The following NAALADL2 variants were observed in gnomAD, a reference collection of about 807,000 sequenced individuals.
The protein encoded by NAALADL2 is inactive N-acetylated-alpha-linked acidic dipeptidase-like protein 2.
NAALADL2 carries 76 observed loss-of-function variants against 87.2 expected under a neutral mutation model. The ratio of observed to expected loss-of-function variants is 0.87; its 90% CI spans 0.72 to 1.05. The LOEUF (loss-of-function observed/expected upper bound fraction) is 1.05, where lower values mean the gene tolerates loss of function less well. Ranked by LOEUF, NAALADL2 falls within the 50% of genes least tolerant of loss-of-function variation. The pLI is 0.00. For missense variants in NAALADL2, 1,089 were observed against 945.8 expected (o/e 1.15, Z -1.99); for synonymous variants, 354 against 331.0 (o/e 1.07, Z -0.75).
At chr3:174,615,529 G>A (rs961237344) in intron 2 of NAALADL2, among the ~76,000 whole-genome samples, 3 of 152,156 alleles carry the variant, frequency 2.0e-5, no homozygotes, top group Non-Finnish European at 1.5e-5. Context: ...GGTGTATTAA[G>A]GAAGATTTTT....
rs559881885 is a variant in NAALADL2 at position 174,609,157 on chromosome 3, T to C, written c.-115+58520T>C. Among the ~76,000 whole-genome samples, 16 of 152,276 alleles carry C rather than the reference T, an allele frequency of 1.1e-4. No individual in the cohort carries two copies. In the South Asian group the frequency reaches 2.3e-3, roughly 22 times the overall value. On this transcript the variant is annotated intron_variant, in intron 2 of 3. Coordinates refer to the NAALADL2 transcript ENST00000434257. ...CTCAATAAATTAGGTATTGATGGGATGTATGTCAAAATAATAAGAGCTATC... is the reference window on the plus strand; with the variant it reads ...CTCAATAAATTAGGTATTGATGGGACGTATGTCAAAATAATAAGAGCTATC...
Position 175,096,777 on chromosome 3 carries a change from C to T in NAALADL2, c.44-13C>T. 12 of 1,414,642 alleles carry T rather than the reference C, an allele frequency of 8.5e-6. No individual in the cohort carries two copies. Among genetic ancestry groups the T allele is most frequent in the South Asian group, 3.3e-5 (2 of 60,864 alleles). The allele number at this position is 1,414,642 out of a possible 1,614,324, so 87.6% of individuals were successfully genotyped here. A position where few individuals can be genotyped will look rare whatever the true frequency, so the allele number is the denominator to read the frequency against. On this transcript the variant is annotated splice_polypyrimidine_tract_variant and intron_variant, in intron 1 of 13. Coordinates refer to ENST00000454872, the MANE Select transcript of NAALADL2 (RefSeq NM_207015.3). ...GTTTATTTTATTAAAATATATTTTT[C>T]TTATTTTCACAGGTAAAAAGATGGC...
intron 1 of NAALADL2, among the ~76,000 whole-genome samples, chr3:174,912,695 G>T (rs1295764718): frequency 1.3e-5 from 2 of 152,058 alleles, no homozygotes; most frequent in Non-Finnish European, 2.9e-5. Context: ...TTTCTAGATA[G>T]AATAAAATAA....
chr3:175,558,210 A>G (rs1168113579), intron 9 of NAALADL2, among the ~76,000 whole-genome samples: 46 of 137,656 alleles, frequency 3.3e-4, no homozygotes, highest in African/African-American at 9.7e-4. Context: ...AAAAAAAAAA[A>G]AAAAAAAGAA....
intron 13 of NAALADL2, among the ~76,000 whole-genome samples, chr3:175,802,329 G>T (rs1019037052): frequency 9.6e-5 from 10 of 103,966 alleles, no homozygotes; most frequent in African/African-American, 1.5e-4. Context: ...ATTTTTTTTT[G>T]GGGGGGGACA....
At chr3:174,787,575 T>TAATATATATATA (rs1553855281) in intron 3 of NAALADL2, among the ~76,000 whole-genome samples, 1 of 13,062 alleles carries the variant, frequency 7.7e-5, no homozygotes, top group Non-Finnish European at 1.5e-4. Context: ...CAATATATCA[T>TAATATATATATA]CATATATATA....
chr3:174,578,131 C>T (rs1306989752), intron 2 of NAALADL2, among the ~76,000 whole-genome samples: 1 of 151,918 alleles, frequency 6.6e-6, no homozygotes, highest in Non-Finnish European at 1.5e-5. Flanking sequence ...TATCACTGAC[C>T]TGTGGAACAA....
chr3:175,370,569 G>A (rs1766345684), intron 5 of NAALADL2, among the ~76,000 whole-genome samples: 2 of 151,982 alleles, frequency 1.3e-5, no homozygotes, highest in African/African-American at 2.4e-5. Context: ...GATTACTGAT[G>A]GCCGTAAGAG....
At chr3:175,723,693 G>T (rs1354512042) in intron 11 of NAALADL2, among the ~76,000 whole-genome samples, 2 of 152,014 alleles carry the variant, frequency 1.3e-5, no homozygotes, top group Non-Finnish European at 2.9e-5. Context: ...TTTACATGGA[G>T]CTTGTTGAGA....
intron 2 of NAALADL2, among the ~76,000 whole-genome samples, chr3:175,174,257 T>G (rs966064186): frequency 4.6e-5 from 7 of 152,184 alleles, no homozygotes; most frequent in African/African-American, 1.7e-4. Context: ...GCTTCCCTCT[T>G]CATTCAACCA....
chr3:174,833,068 T>C (rs1722916234), intron 3 of NAALADL2, among the ~76,000 whole-genome samples: 1 of 152,188 alleles, frequency 6.6e-6, no homozygotes, highest in Non-Finnish European at 1.5e-5. Flanking sequence ...TTCTCAGAAA[T>C]AGTATTAACT....
intron 11 of NAALADL2, among the ~76,000 whole-genome samples, chr3:175,720,232 T>C (rs1561032261): frequency 6.6e-6 from 1 of 152,102 alleles, no homozygotes; most frequent in Admixed American, 6.6e-5. Flanking sequence ...AAATAAACTA[T>C]AAGAGTTTTT....
chr3:175,785,536 T>TTTTTG (rs1355423089), intron 13 of NAALADL2, among the ~76,000 whole-genome samples: 174 of 134,014 alleles, frequency 1.3e-3, no homozygotes, highest in African/African-American at 5.0e-3. Flanking sequence ...CCCCTGCCTT[T>TTTTTG]TTTTGTTTTC....
intron 1 of NAALADL2, among the ~76,000 whole-genome samples, chr3:174,888,673 C>A (rs993242195): frequency 6.6e-6 from 1 of 152,186 alleles, no homozygotes; most frequent in Non-Finnish European, 1.5e-5. Context: ...ATCAACCTTG[C>A]GCTCTGAGCA....
chr3:175,119,221 G>T (rs1725752213), intron 2 of NAALADL2, among the ~76,000 whole-genome samples: 1 of 151,378 alleles, frequency 6.6e-6, no homozygotes, highest in African/African-American at 2.4e-5. Flanking sequence ...AATATTCAGT[G>T]AAATGATAAA....
chr3:175,789,707 T>G (rs1010781180), intron 13 of NAALADL2, among the ~76,000 whole-genome samples: 39 of 152,102 alleles, frequency 2.6e-4, no homozygotes, highest in Non-Finnish European at 1.5e-5. Context: ...AAGAACTGCA[T>G]GCATTATTTT....
chr3:175,063,776 C>T (rs761452787), intron 1 of NAALADL2, among the ~76,000 whole-genome samples: 4 of 152,026 alleles, frequency 2.6e-5, no homozygotes, highest in Non-Finnish European at 5.9e-5. Flanking sequence ...AACCATTGCA[C>T]CCGGCCCAGT....
intron 1 of NAALADL2, among the ~76,000 whole-genome samples, chr3:175,083,408 C>T (rs1244252908): frequency 1.3e-5 from 2 of 152,084 alleles, no homozygotes; most frequent in African/African-American, 2.4e-5. Context: ...TTAACGTTAA[C>T]CAACTTTTAT....
At chr3:175,508,707 T>C (rs951674688) in intron 9 of NAALADL2, among the ~76,000 whole-genome samples, 6 of 152,342 alleles carry the variant, frequency 3.9e-5, no homozygotes, top group Middle Eastern at 3.4e-3. Flanking sequence ...TCCACTGCCA[T>C]AATTCAGACC....
Sources: gnomAD v4.1 joint callset for allele counts (sites outside exome capture counted in the v4.1 genomes callset) on GRCh38, gnomAD v4.1.1 for gene constraint, MANE v1.5 for transcripts, NCBI Gene and HGNC (gene_info 2026-07-23, HGNC 2026-07-21) for gene names.